The following IQCJ variants were observed in gnomAD, a reference collection of about 807,000 sequenced individuals.
IQCJ encodes the protein IQ domain-containing protein J.
A neutral mutation model predicts 11.0 loss-of-function variants in IQCJ; 9 were observed. The ratio of observed to expected loss-of-function variants is 0.82; its 90% CI spans 0.49 to 1.43. IQCJ has a LOEUF of 1.43. IQCJ is among the 40% of genes most tolerant of loss of function. The pLI, the probability that IQCJ is intolerant of heterozygous loss-of-function variation, is 0.00. For synonymous variants in IQCJ, 55 were observed against 51.3 expected (o/e 1.07, Z -0.31); for missense variants, 146 against 133.2 (o/e 1.10, Z -0.47).
intron 1 of IQCJ, among the ~76,000 whole-genome samples, chr3:159,108,006 CAAAAAAAAAAA>C (rs367862873): frequency 4.0e-5 from 4 of 100,920 alleles, no homozygotes; most frequent in East Asian, 2.8e-4. Context: ...TATGGTTTTC[CAAAAAAAAAAA>C]AAAAAAAAGA....
intron 1 of IQCJ, among the ~76,000 whole-genome samples, chr3:159,088,428 A>G (rs1716964459): frequency 6.6e-6 from 1 of 152,158 alleles, no homozygotes; most frequent in Non-Finnish European, 1.5e-5. Flanking sequence ...GTAGATGTCT[A>G]TTAGGTCCAC....
chr3:159,153,454 A>G (rs1383193741), intron 1 of IQCJ, among the ~76,000 whole-genome samples: 2 of 152,230 alleles, frequency 1.3e-5, no homozygotes, highest in African/African-American at 4.8e-5. Context: ...AGGGCTGGTT[A>G]TCATAGCTAT....
At chr3:159,094,498 A>G (rs1253749824) in intron 1 of IQCJ, among the ~76,000 whole-genome samples, 1 of 140,262 alleles carries the variant, frequency 7.1e-6, no homozygotes, top group African/African-American at 2.8e-5. Flanking sequence ...TTGATTCTAG[A>G]GCCAGCATAG....
intron 1 of IQCJ, among the ~76,000 whole-genome samples, chr3:159,185,081 C>T (rs1247896148): frequency 6.6e-6 from 1 of 152,180 alleles, no homozygotes; most frequent in Admixed American, 6.5e-5. Flanking sequence ...TCCTTTGCCC[C>T]TACTTCTGTC....
At chr3:159,201,627 CTTTT>C (rs71144478) in intron 1 of IQCJ, among the ~76,000 whole-genome samples, 21 of 70,312 alleles carry the variant, frequency 3.0e-4, no homozygotes, top group African/African-American at 1.1e-3. Context: ...GATAATGATT[CTTTT>C]TTTTTTTTTT....
rs147688591 is a variant in IQCJ, at chr3:159,076,079, C to A, written c.9+6638C>A. Among the ~76,000 whole-genome samples, 96 of 152,234 alleles carry A rather than the reference C, an allele frequency of 6.3e-4. No homozygotes were observed. The East Asian group carries it at 0.013, about 21-fold the overall frequency. On this transcript the variant is annotated intron_variant, in intron 1 of 3. Transcript: ENST00000397832. Reference sequence around the variant, plus strand: ...ATACAGTTGTAAATTCAGGAACCAGCACCAAACCTATTTTTTTGATGGACT... The same window carrying A: ...ATACAGTTGTAAATTCAGGAACCAGAACCAAACCTATTTTTTTGATGGACT...
chr3:159,155,513 T>G (rs2108209876), intron 1 of IQCJ, among the ~76,000 whole-genome samples: 1 of 151,694 alleles, frequency 6.6e-6, no homozygotes, highest in East Asian at 1.9e-4. Context: ...TTGTGTAACC[T>G]TAAGAGCTTT....
chr3:159,167,048 C>T (rs138187726), intron 1 of IQCJ, among the ~76,000 whole-genome samples: 62 of 152,254 alleles, frequency 4.1e-4, no homozygotes, highest in African/African-American at 1.5e-3. Context: ...ACAAGGCTGC[C>T]ATTGATCAAA....
intron 1 of IQCJ, among the ~76,000 whole-genome samples, chr3:159,228,802 CAAA>C (rs10711050): frequency 7.0e-6 from 1 of 142,750 alleles, no homozygotes; most frequent in Non-Finnish European, 1.5e-5. Context: ...GACTCCGTCT[CAAA>C]AAAAAAAAAA....
At chr3:159,111,785 A>G (rs1242809858) in intron 1 of IQCJ, among the ~76,000 whole-genome samples, 1 of 152,194 alleles carries the variant, frequency 6.6e-6, no homozygotes, top group Non-Finnish European at 1.5e-5. Flanking sequence ...AAGTAATACT[A>G]TTAGTTGGAT....
intron 1 of IQCJ, among the ~76,000 whole-genome samples, chr3:159,183,481 CA>C (rs1340205329): frequency 6.6e-6 from 1 of 152,146 alleles, no homozygotes; most frequent in African/African-American, 2.4e-5. Context: ...TTAAATTCCA[CA>C]TATTTGCCAA....
chr3:159,265,333 G>T, downstream of IQCJ: 2 of 1,613,860 alleles, frequency 1.2e-6, no homozygotes, highest in Non-Finnish European at 1.7e-6. Context: ...CAGCTTGCCA[G>T]ACCCACTGGG....
chr3:159,136,272 A>G (rs1720285049), intron 1 of IQCJ, among the ~76,000 whole-genome samples: 1 of 152,212 alleles, frequency 6.6e-6, no homozygotes, highest in South Asian at 2.1e-4. Context: ...AGTACAGTTC[A>G]CAGAAGTTAA....
At chr3:159,092,699 AACACAC>A (rs57083405) in intron 1 of IQCJ, among the ~76,000 whole-genome samples, 6 of 141,688 alleles carry the variant, frequency 4.2e-5, no homozygotes, top group East Asian at 2.1e-4. Flanking sequence ...CTCCATCACA[AACACAC>A]ACACACACAC....
chr3:159,172,688 T>G (rs1722546240), intron 1 of IQCJ, among the ~76,000 whole-genome samples: 1 of 151,094 alleles, frequency 6.6e-6, no homozygotes, highest in South Asian at 2.1e-4. Context: ...GCTCAGATAT[T>G]TTCTGAGTGA....
chr3:159,082,928 C>T (rs1327851967), intron 1 of IQCJ, among the ~76,000 whole-genome samples: 1 of 152,070 alleles, frequency 6.6e-6, no homozygotes, highest in Non-Finnish European at 1.5e-5. Flanking sequence ...AGCAAGAACA[C>T]GAACCTCGAC....
At chr3:159,234,138 A>G (rs986919674) in intron 1 of IQCJ, among the ~76,000 whole-genome samples, 1 of 152,200 alleles carries the variant, frequency 6.6e-6, no homozygotes, top group Non-Finnish European at 1.5e-5. Flanking sequence ...CATTTCTGCT[A>G]TAAGACCTTG....
At chr3:159,259,188 G>A (rs574815167) in intron 3 of IQCJ, among the ~76,000 whole-genome samples, 1 of 152,146 alleles carries the variant, frequency 6.6e-6, no homozygotes, top group African/African-American at 2.4e-5. Context: ...AACACACAGG[G>A]ATATACAGAA....
chr3:159,253,430 TA>T (rs1727715256), intron 3 of IQCJ, among the ~76,000 whole-genome samples: 1 of 152,148 alleles, frequency 6.6e-6, no homozygotes, highest in African/African-American at 2.4e-5. Context: ...AACAAAATAT[TA>T]ACCTTCTAAA....
Sources: allele counts gnomAD v4.1 joint callset (sites outside exome capture counted in the v4.1 genomes callset), GRCh38; gene constraint gnomAD v4.1.1; transcripts MANE v1.5; gene names NCBI Gene and HGNC (gene_info 2026-07-23, HGNC 2026-07-21).